LHFPL3: variants seen among roughly 807,000 people sequenced by gnomAD.
The protein encoded by LHFPL3 is LHFPL tetraspan subfamily member 3.
In LHFPL3, 5 loss-of-function variants were observed where a neutral mutation model predicts 19.3. The ratio of observed to expected loss-of-function variants is 0.26; its 90% CI spans 0.14 to 0.54. The LOEUF is 0.54. LHFPL3 is among the 20% of genes least tolerant of loss of function. LHFPL3 has a pLI of 0.94. For synonymous variants in LHFPL3, 133 were observed against 126.2 expected, an observed-to-expected ratio of 1.05 and a Z score of -0.36; for missense variants, 249 against 307.4, an observed-to-expected ratio of 0.81 and a Z score of 1.42.
intron 1 of LHFPL3, among the ~76,000 whole-genome samples, chr7:104,658,849 G>A (rs942532927): frequency 1.3e-5 from 2 of 152,106 alleles, no homozygotes; most frequent in Admixed American, 1.3e-4. Flanking sequence ...ATTCAAATGT[G>A]GGTATCCCAG....
Position 104,572,485 on chromosome 7 carries a change from A to G in LHFPL3, c.446-164190A>G, listed in dbSNP as rs138011666. 2.6e-3 allele frequency among the ~76,000 whole-genome samples: 396 copies of G among 152,338 alleles called. 2 individuals are homozygous for G. Among genetic ancestry groups the G allele is most frequent in the African/African-American group, 9.0e-3 (376 of 41,580 alleles). ...TTTATGGCTTTATGGACTTAAATCA[A>G]GACTTTTGGGAGGTTTTCTTTTATT... On this transcript the variant is annotated intron_variant, in intron 1 of 2. Transcript: ENST00000424859.
chr7:104,392,814 C>A (rs1417742134), intron 1 of LHFPL3, among the ~76,000 whole-genome samples: 1 of 152,068 alleles, frequency 6.6e-6, no homozygotes, highest in Non-Finnish European at 1.5e-5. Flanking sequence ...TCTGTCTTGT[C>A]CTGGACTTTT....
intron 2 of LHFPL3, among the ~76,000 whole-genome samples, chr7:104,872,553 G>A (rs1791856799): frequency 6.6e-6 from 1 of 151,964 alleles, no homozygotes; most frequent in Admixed American, 6.6e-5. Flanking sequence ...GCTGGGATGG[G>A]AGAATCGCTG....
At chr7:104,512,598 T>A (rs1366182291) in intron 1 of LHFPL3, among the ~76,000 whole-genome samples, 1 of 151,924 alleles carries the variant, frequency 6.6e-6, no homozygotes, top group Non-Finnish European at 1.5e-5. Context: ...TAGCCAGGCG[T>A]GGTGACAGAA....
At chr7:104,595,973 C>T (rs1205630274) in intron 1 of LHFPL3, among the ~76,000 whole-genome samples, 1 of 152,230 alleles carries the variant, frequency 6.6e-6, no homozygotes, top group Non-Finnish European at 1.5e-5. Flanking sequence ...GTCATGGCTT[C>T]CCTTGGCTAG....
chr7:104,448,097 T>C (rs1018151769), intron 1 of LHFPL3, among the ~76,000 whole-genome samples: 1 of 152,210 alleles, frequency 6.6e-6, no homozygotes, highest in Admixed American at 6.6e-5. Context: ...CAGATTGTTA[T>C]ATTTTGATGT....
At chr7:104,387,464 G>A (rs1790970361) in intron 1 of LHFPL3, among the ~76,000 whole-genome samples, 1 of 152,052 alleles carries the variant, frequency 6.6e-6, no homozygotes, top group Admixed American at 6.6e-5. Context: ...ACAGAAGAAA[G>A]AACCAGCAAA....
rs140664439 is a variant in LHFPL3 at position 104,569,739 on chromosome 7, A to T, written c.446-166936A>T. Among the ~76,000 whole-genome samples, 886 of 152,294 alleles carry T rather than the reference A, an allele frequency of 5.8e-3. 7 individuals are homozygous for T. Among genetic ancestry groups the T allele is most frequent in the African/African-American group, 0.02 (815 of 41,574 alleles). On this transcript the variant is annotated intron_variant, in intron 1 of 2. Coordinates refer to ENST00000424859, the MANE Select transcript of LHFPL3 (RefSeq NM_199000.3). ...TTTAGTTCTGACAGCAAGCCCTATA[A>T]GGTGGATTCTACGGATTCCCTGTTG... is the stretch of plus-strand genomic sequence containing the variant.
At chr7:104,477,698 G>A (rs1304379124) in intron 1 of LHFPL3, among the ~76,000 whole-genome samples, 1 of 151,944 alleles carries the variant, frequency 6.6e-6, no homozygotes, top group Admixed American at 6.6e-5. Flanking sequence ...AAACCCCCAT[G>A]ACACAAGTTT....
intron 1 of LHFPL3, among the ~76,000 whole-genome samples, chr7:104,512,291 G>GACACA (rs1793833343): frequency 2.0e-5 from 3 of 151,900 alleles, no homozygotes; most frequent in Non-Finnish European, 4.4e-5. Flanking sequence ...TTTAAACAAG[G>GACACA]GTAGGTATTT....
intron 1 of LHFPL3, among the ~76,000 whole-genome samples, chr7:104,682,064 GA>G (rs141196524): frequency 6.6e-6 from 1 of 152,138 alleles, no homozygotes; most frequent in African/African-American, 2.4e-5. Flanking sequence ...AAAAAGCCTT[GA>G]AAATATTATG....
chr7:104,908,391 T>TAAATATA lies in LHFPL3; in HGVS notation c.*2176_*2177insAAATATA, dbSNP rs1792659452. Among the ~76,000 whole-genome samples, 1 of 151,988 alleles carries TAAATATA rather than the reference T, an allele frequency of 6.6e-6. No individual in the cohort carries two copies. The highest frequency in any genetic ancestry group is 2.1e-4 in the South Asian group (1 of 4,826). On this transcript the variant is annotated 3_prime_UTR_variant, in exon 3 of 3. Transcript: ENST00000424859. ...ATATAAGAAGTAGGTTTTTATCTTT[T>TAAATATA]TAAAAAAAAAACAAAAAAGGTGACT...
chr7:104,767,622 C>T (rs1328792244), intron 2 of LHFPL3, among the ~76,000 whole-genome samples: 1 of 152,146 alleles, frequency 6.6e-6, no homozygotes, highest in African/African-American at 2.4e-5. Context: ...TTTCCTTGAG[C>T]CTCTCAAAGT....
At chr7:104,876,886 A>T (rs1240246718) in intron 2 of LHFPL3, among the ~76,000 whole-genome samples, 1 of 152,234 alleles carries the variant, frequency 6.6e-6, no homozygotes, top group Non-Finnish European at 1.5e-5. Context: ...CAAATGTCCA[A>T]CAATGATAGA....
At chr7:104,514,234 T>C (rs1169524214) in intron 1 of LHFPL3, among the ~76,000 whole-genome samples, 1 of 152,130 alleles carries the variant, frequency 6.6e-6, no homozygotes, top group East Asian at 1.9e-4. Context: ...CATTCTTCTC[T>C]CCCTATTTTG....
chr7:104,534,176 C>T (rs13233643), intron 1 of LHFPL3, among the ~76,000 whole-genome samples: 20,014 of 152,178 alleles, frequency 0.13, 1,464 homozygotes, highest in Admixed American at 0.17. Flanking sequence ...TGTTCTATAA[C>T]ACAGTGTGGG....
chr7:104,558,145 G>A (rs1789893470), intron 1 of LHFPL3, among the ~76,000 whole-genome samples: 1 of 151,098 alleles, frequency 6.6e-6, no homozygotes, highest in South Asian at 2.1e-4. Flanking sequence ...ACATACGTGT[G>A]CATGTGTCTT....
intron 1 of LHFPL3, among the ~76,000 whole-genome samples, chr7:104,378,727 G>C (rs1408270768): frequency 6.6e-6 from 1 of 152,016 alleles, no homozygotes; most frequent in Non-Finnish European, 1.5e-5. Flanking sequence ...ATGTTAATTT[G>C]CATTTGTCTT....
chr7:104,786,689 G>GGGGTGTGTGT (rs1554344743), intron 2 of LHFPL3: 9 of 129,876 alleles, frequency 6.9e-5, no homozygotes, highest in Non-Finnish European at 1.0e-4. Flanking sequence ...GTGTGTGTGG[G>GGGGTGTGTGT]GTGTGTGTGT....
Sources: gnomAD v4.1 joint callset for allele counts (sites outside exome capture counted in the v4.1 genomes callset) on GRCh38, gnomAD v4.1.1 for gene constraint, MANE v1.5 for transcripts, NCBI Gene and HGNC (gene_info 2026-07-23, HGNC 2026-07-21) for gene names.